The following CAPZB variants were observed in gnomAD, a reference collection of about 807,000 sequenced individuals.
CAPZB encodes F-actin-capping protein subunit beta.
Under a neutral mutation model 38.1 loss-of-function variants are expected in CAPZB, and 2 were observed. That is an observed-to-expected ratio of 0.05 (90% CI 0.02 to 0.17). The LOEUF is 0.17. Among genes scored for constraint, CAPZB ranks in the 10% least tolerant of loss-of-function variants. The probability of loss-of-function intolerance (pLI) is 1.00; values close to 1 mark genes in which losing one functional copy is unlikely to be tolerated. For missense variants in CAPZB, 161 were observed against 334.2 expected, an observed-to-expected ratio of 0.48 and a Z score of 4.04; for synonymous variants, 107 against 127.4, an observed-to-expected ratio of 0.84 and a Z score of 1.08.
chr1:19,443,268 TG>T (rs1171839520), intron 1 of CAPZB, among the ~76,000 whole-genome samples: 5 of 151,120 alleles, frequency 3.3e-5, no homozygotes, highest in African/African-American at 1.2e-4. Flanking sequence ...TGGTAGCGCG[TG>T]CCTGTAGTCC....
intron 4 of CAPZB, among the ~76,000 whole-genome samples, 162 bp downstream of exon 4, chr1:19,378,378 T>C (rs1332318817): frequency 6.6e-6 from 1 of 152,134 alleles, no homozygotes; most frequent in Non-Finnish European, 1.5e-5. Flanking sequence ...CAATTTTAGT[T>C]AGGTGAGCCA....
At chr1:19,398,472 C>T (rs982433040) in intron 2 of CAPZB, among the ~76,000 whole-genome samples, 5 of 152,190 alleles carry the variant, frequency 3.3e-5, no homozygotes, top group Non-Finnish European at 7.3e-5. Context: ...TCCAGTAATA[C>T]TTCTGTTTCC....
chr1:19,366,283 A>AATATATATATATATATATATAT lies in CAPZB; in HGVS notation c.330-8742_330-8721dup, dbSNP rs201882034. ...GCAACATAGTGAGACCGTGTCTTAAAATATATATATATATATATATATATA... is the reference window on the plus strand; with the variant it reads ...GCAACATAGTGAGACCGTGTCTTAAAATATATATATATATATATATATATATATATATATATATATATATATA... On this transcript the variant is annotated intron_variant, in intron 4 of 8. Transcript: ENST00000264202. 1.4e-3 allele frequency among the ~76,000 whole-genome samples: 86 copies of AATATATATATATATATATATAT among 60,432 alleles called. 2 individuals carry two copies. The highest frequency in any genetic ancestry group is 4.6e-3 in the African/African-American group (72 of 15,640). 39.6% of individuals were successfully genotyped at this position (60,432 alleles called of 152,430 possible).
At chr1:19,463,487 A>G (rs2094558848) in intron 1 of CAPZB, among the ~76,000 whole-genome samples, 1 of 152,246 alleles carries the variant, frequency 6.6e-6, no homozygotes, top group South Asian at 2.1e-4. Flanking sequence ...AAATTTTGGC[A>G]TCAGAATACC....
intron 2 of CAPZB, among the ~76,000 whole-genome samples, chr1:19,400,339 C>T (rs1282356675): frequency 1.3e-5 from 2 of 152,194 alleles, no homozygotes; most frequent in East Asian, 1.9e-4. Flanking sequence ...CTGCGGGACA[C>T]GCAGGCTCCT....
intron 2 of CAPZB, among the ~76,000 whole-genome samples, chr1:19,392,615 G>GT (rs2094242957): frequency 6.6e-6 from 1 of 150,922 alleles, no homozygotes. Context: ...GCAAGACTCC[G>GT]TCCCTACTAA....
chr1:19,406,207 C>G (rs2094331233), intron 2 of CAPZB, among the ~76,000 whole-genome samples: 1 of 152,240 alleles, frequency 6.6e-6, no homozygotes, highest in African/African-American at 2.4e-5. Context: ...GAGGGCGGGA[C>G]TATTCCTCCC....
At chr1:19,358,719 C>T (rs550170595) in intron 4 of CAPZB, among the ~76,000 whole-genome samples, 2 of 152,356 alleles carry the variant, frequency 1.3e-5, no homozygotes, top group East Asian at 3.9e-4. Flanking sequence ...AATTAAGCCC[C>T]AAAGAGAGAA....
chr1:19,392,557 C>T (rs556046652), intron 2 of CAPZB, among the ~76,000 whole-genome samples: 1 of 147,846 alleles, frequency 6.8e-6, no homozygotes, highest in Non-Finnish European at 1.5e-5. Flanking sequence ...AGGCCAGCTG[C>T]GGTGGCTCGC....
At chr1:19,476,713 A>G (rs2094608066) in intron 1 of CAPZB, among the ~76,000 whole-genome samples, 1 of 152,254 alleles carries the variant, frequency 6.6e-6, no homozygotes, top group Non-Finnish European at 1.5e-5. Context: ...TCGCCCTTTC[A>G]GCTGAGTGGC....
chr1:19,484,509 G>A, intron 1 of CAPZB: 2 of 1,364,698 alleles, frequency 1.5e-6, no homozygotes, highest in Non-Finnish European at 1.9e-6. Flanking sequence ...GCTGCCTTCT[G>A]GGCACACCGA....
chr1:19,397,400 C>T (rs1274271510), intron 2 of CAPZB, among the ~76,000 whole-genome samples: 1 of 152,130 alleles, frequency 6.6e-6, no homozygotes, highest in Non-Finnish European at 1.5e-5. Context: ...AAAAAAGAGG[C>T]ACAGGTAGGT....
intron 1 of CAPZB, among the ~76,000 whole-genome samples, chr1:19,483,577 C>T (rs548642411): frequency 6.6e-6 from 1 of 152,360 alleles, no homozygotes; most frequent in African/African-American, 2.4e-5. Flanking sequence ...CTTCAGGTGT[C>T]ATGTGCTCCT....
chr1:19,362,177 AG>A (rs2094056482), intron 4 of CAPZB, among the ~76,000 whole-genome samples: 1 of 143,740 alleles, frequency 7.0e-6, no homozygotes, highest in Admixed American at 7.4e-5. Context: ...AGGAGGTAGA[AG>A]GGGGAAATTT....
At chr1:19,363,758 C>T (rs549061786) in intron 4 of CAPZB, among the ~76,000 whole-genome samples, 3 of 152,138 alleles carry the variant, frequency 2.0e-5, no homozygotes, top group Non-Finnish European at 4.4e-5. Flanking sequence ...GCAAATCTAA[C>T]AGGGAAAACG....
In CAPZB at chr1:19,393,420, C is replaced by G. The variant is rs57788097; in HGVS notation, c.94-7794G>C. Among the ~76,000 whole-genome samples, 319 of 152,300 alleles carry G rather than the reference C, an allele frequency of 2.1e-3. 2 individuals carry two copies. Among genetic ancestry groups the G allele is most frequent in the African/African-American group, 7.4e-3 (308 of 41,562 alleles). On this transcript the variant is annotated intron_variant, in intron 2 of 8. Coordinates refer to ENST00000264202, the MANE Select transcript of CAPZB (RefSeq NM_004930.5). The stretch of plus-strand genomic sequence containing the variant: ...CTCCTTAGGATAATAGCCACGTGAG[C>G]TAGGGTATGGCGCACCTATTCGGAG...
chr1:19,441,540 T>C (rs904276909), intron 1 of CAPZB, among the ~76,000 whole-genome samples: 2 of 152,054 alleles, frequency 1.3e-5, no homozygotes, highest in African/African-American at 2.4e-5. Flanking sequence ...CAGCAGGGCA[T>C]GTTCACCCCT....
rs7554263 is a variant in CAPZB at position 19,341,667 on chromosome 1, G to A, written c.732-2050C>T. ...CTACGCCAGGACGCCCCCAGTGGGC[G>A]GCCAGGGAACTGCACCATCACGGTG... On this transcript the variant is annotated intron_variant, in intron 8 of 8. Transcript: ENST00000264202. 2.6e-3 allele frequency among the ~76,000 whole-genome samples: 392 copies of A among 152,306 alleles called. 1 individual carries two copies. The highest frequency in any genetic ancestry group is 9.0e-3 in the African/African-American group (376 of 41,560).
intron 1 of CAPZB, among the ~76,000 whole-genome samples, chr1:19,471,709 C>A (rs1023653068): frequency 7.3e-5 from 11 of 151,098 alleles, no homozygotes; most frequent in African/African-American, 1.7e-4. Context: ...CTAAAAATAC[C>A]AAAAAAAATT....
Sources: allele counts gnomAD v4.1 joint callset (sites outside exome capture counted in the v4.1 genomes callset), GRCh38; gene constraint gnomAD v4.1.1; transcripts MANE v1.5; gene names NCBI Gene and HGNC (gene_info 2026-07-23, HGNC 2026-07-21).